Variants in KLHL32 observed in about 807,000 individuals in gnomAD.
KLHL32 encodes kelch-like protein 32.
Under a neutral mutation model 64.8 loss-of-function variants are expected in KLHL32, and 35 were observed. The ratio of observed to expected loss-of-function variants is 0.54; its 90% confidence interval spans 0.41 to 0.72. The LOEUF is 0.72. KLHL32 is among the 30% of genes least tolerant of loss of function. The pLI, the probability that KLHL32 is intolerant of heterozygous loss-of-function variation, is 0.00. For missense variants in KLHL32, 589 were observed against 768.5 expected (o/e 0.77, Z 2.76); for synonymous variants, 259 against 281.0 (o/e 0.92, Z 0.78).
At chr6:97,017,384 C>G (rs1781360030) in intron 3 of KLHL32, among the ~76,000 whole-genome samples, 1 of 152,188 alleles carries the variant, frequency 6.6e-6, no homozygotes, top group Admixed American at 6.5e-5. Flanking sequence ...AGGGAATGCC[C>G]TCATCATTGG....
intron 5 of KLHL32, among the ~76,000 whole-genome samples, chr6:97,072,448 T>G (rs1222629165): frequency 6.6e-6 from 1 of 152,202 alleles, no homozygotes; most frequent in Non-Finnish European, 1.5e-5. Context: ...GTCATATCCT[T>G]GCTTAAAATT....
intron 3 of KLHL32, among the ~76,000 whole-genome samples, chr6:97,019,392 T>C (rs528816312): frequency 6.6e-6 from 1 of 152,336 alleles, no homozygotes; most frequent in African/African-American, 2.4e-5. Context: ...ACAGCCTCAG[T>C]GGACTCCACA....
chr6:96,898,700 A>AC, the KLHL32 span, among the ~76,000 whole-genome samples: 1 of 151,878 alleles, frequency 6.6e-6, no homozygotes, highest in Non-Finnish European at 1.5e-5. Context: ...GTCAGAAAAA[A>AC]AAAACAAACA....
At chr6:96,925,883 C>T (rs1280496948) in intron 1 of KLHL32, among the ~76,000 whole-genome samples, 1 of 152,104 alleles carries the variant, frequency 6.6e-6, no homozygotes, top group Non-Finnish European at 1.5e-5. Context: ...TCTCTATACA[C>T]AGATAGAGAT....
At chr6:97,108,968 C>T (rs1290334249) in intron 6 of KLHL32, among the ~76,000 whole-genome samples, 1 of 152,168 alleles carries the variant, frequency 6.6e-6, no homozygotes, top group Non-Finnish European at 1.5e-5. Flanking sequence ...ATAAATACAG[C>T]TTCGTAGAGT....
chr6:97,107,825 ATTTG>A (rs1267314757), intron 6 of KLHL32, among the ~76,000 whole-genome samples: 1 of 152,238 alleles, frequency 6.6e-6, no homozygotes, highest in African/African-American at 2.4e-5. Flanking sequence ...ATTTGATACT[ATTTG>A]TTTGAGAGAA....
intron 3 of KLHL32, among the ~76,000 whole-genome samples, chr6:97,039,289 A>T (rs1204737813): frequency 6.6e-6 from 1 of 152,158 alleles, no homozygotes; most frequent in East Asian, 1.9e-4. Flanking sequence ...TAGCACAAAA[A>T]GACAAATATT....
At chr6:97,117,127 G>A (rs1797878784) in intron 7 of KLHL32, among the ~76,000 whole-genome samples, 1 of 152,172 alleles carries the variant, frequency 6.6e-6, no homozygotes, top group Non-Finnish European at 1.5e-5. Flanking sequence ...CATGAATAGG[G>A]AGGGGTGACT....
At chr6:97,044,112 A>ATG (rs1785551498) in intron 4 of KLHL32, among the ~76,000 whole-genome samples, 1 of 152,050 alleles carries the variant, frequency 6.6e-6, no homozygotes, top group African/African-American at 2.4e-5. Context: ...ACTAAGTATA[A>ATG]TGTTAACTCT....
chr6:96,985,624 A>G (rs1357131914), intron 3 of KLHL32, among the ~76,000 whole-genome samples: 1 of 152,016 alleles, frequency 6.6e-6, no homozygotes, highest in African/African-American at 2.4e-5. Flanking sequence ...CATTCATTTC[A>G]TCTTCCATCA....
chr6:97,106,383 G>T (rs1022112992), intron 6 of KLHL32, among the ~76,000 whole-genome samples: 1 of 152,032 alleles, frequency 6.6e-6, no homozygotes, highest in Non-Finnish European at 1.5e-5. Flanking sequence ...AAAGGGAAGG[G>T]ATTATCTGTT....
At chr6:97,096,536 A>G (rs1795015458) in intron 6 of KLHL32, among the ~76,000 whole-genome samples, 1 of 152,246 alleles carries the variant, frequency 6.6e-6, no homozygotes, top group Non-Finnish European at 1.5e-5. Flanking sequence ...ATGCAGCTTT[A>G]TGGTGTTTCA....
chr6:97,127,380 C>G (rs1232421827), intron 7 of KLHL32, 24 bp from the exon 8 acceptor site: 1 of 1,597,942 alleles, frequency 6.3e-7, no homozygotes, highest in African/African-American at 1.3e-5. Context: ...ATGAAAAGCT[C>G]TAACACATGT....
At chr6:96,935,668 G>A (rs1770507486) in intron 1 of KLHL32, among the ~76,000 whole-genome samples, 1 of 152,286 alleles carries the variant, frequency 6.6e-6, no homozygotes, top group South Asian at 2.1e-4. Flanking sequence ...CAGCTGCTGA[G>A]TCTAATGTGT....
chr6:97,130,983 T>C (rs1233454120), intron 9 of KLHL32, 34 bp downstream of exon 9: 2 of 1,586,756 alleles, frequency 1.3e-6, no homozygotes, highest in Non-Finnish European at 1.7e-6. Flanking sequence ...TCAGGAAAAG[T>C]AGATTCAAGA....
At chr6:97,075,832 G>C (rs1368252477) in intron 5 of KLHL32, among the ~76,000 whole-genome samples, 3 of 152,166 alleles carry the variant, frequency 2.0e-5, no homozygotes, top group Non-Finnish European at 4.4e-5. Context: ...TGGCTCAGCA[G>C]TGGAATTTCT....
intron 3 of KLHL32, among the ~76,000 whole-genome samples, chr6:97,016,681 T>C (rs1175458297): frequency 1.3e-5 from 2 of 152,188 alleles, no homozygotes; most frequent in African/African-American, 4.8e-5. Flanking sequence ...TGATTGTGTT[T>C]TGAAGTGTGA....
chr6:97,036,825 T>C (rs1363508707), intron 3 of KLHL32, among the ~76,000 whole-genome samples: 2 of 152,182 alleles, frequency 1.3e-5, no homozygotes, highest in Non-Finnish European at 2.9e-5. Context: ...ATGCAAGGCA[T>C]GGGCTCCAGG....
At chr6:96,947,989 G>A (rs1460206699) in intron 1 of KLHL32, among the ~76,000 whole-genome samples, 1 of 152,124 alleles carries the variant, frequency 6.6e-6, no homozygotes, top group Non-Finnish European at 1.5e-5. Flanking sequence ...TGAATTGTAT[G>A]ATGCTCCTAA....
Sources: gnomAD v4.1 joint callset for allele counts (sites outside exome capture counted in the v4.1 genomes callset) on GRCh38, gnomAD v4.1.1 for gene constraint, MANE v1.5 for transcripts, NCBI Gene and HGNC (gene_info 2026-07-23, HGNC 2026-07-21) for gene names.